TUSC3: variants seen among roughly 807,000 people sequenced by gnomAD.
TUSC3 encodes dolichyl-diphosphooligosaccharide--protein glycosyltransferase subunit TUSC3.
TUSC3 carries 45 observed loss-of-function variants against 44.8 expected under a neutral mutation model. That is an observed-to-expected ratio of 1.00 (90% CI 0.79 to 1.29). The LOEUF is 1.29. Ranked by LOEUF, TUSC3 falls within the 50% of genes most tolerant of loss-of-function variation. TUSC3 has a pLI of 0.00. For synonymous variants in TUSC3, 212 were observed against 152.9 expected, an observed-to-expected ratio of 1.39 and a Z score of -2.85; for missense variants, 519 against 437.9, an observed-to-expected ratio of 1.19 and a Z score of -1.65.
intron 1 of TUSC3, among the ~76,000 whole-genome samples, chr8:15,573,757 C>T (rs1161245771): frequency 6.6e-6 from 1 of 152,088 alleles, no homozygotes; most frequent in Non-Finnish European, 1.5e-5. Flanking sequence ...CTCAGGGAAG[C>T]CCTGCTTCTG....
At chr8:15,445,962 C>G (rs1800091157) in intron 1 of TUSC3, among the ~76,000 whole-genome samples, 1 of 150,944 alleles carries the variant, frequency 6.6e-6, no homozygotes, top group African/African-American at 2.4e-5. Context: ...TGCCCCCCAC[C>G]TCGCGGATGG....
intron 1 of TUSC3, among the ~76,000 whole-genome samples, chr8:15,573,168 T>TTTCTCTCTC (rs1802945786): frequency 7.0e-5 from 6 of 85,556 alleles, no homozygotes; most frequent in African/African-American, 2.5e-4. Flanking sequence ...TTCTCTCTCT[T>TTTCTCTCTC]TCTCTCTCTC....
At chr8:15,806,720 A>G in the TUSC3 span, 2 of 823,740 alleles carry the variant, frequency 2.4e-6, no homozygotes, top group Admixed American at 2.0e-5. Flanking sequence ...GGCTTTGGAT[A>G]CAGCCAGAGA....
At chr8:15,654,029 C>A (rs78753667) in intron 3 of TUSC3, among the ~76,000 whole-genome samples, 1 of 152,060 alleles carries the variant, frequency 6.6e-6, no homozygotes, top group South Asian at 2.1e-4. Context: ...AGAAGGAGCT[C>A]TCATCCAGGA....
chr8:15,660,582 G>T (rs116591876), intron 4 of TUSC3, among the ~76,000 whole-genome samples: 2 of 151,848 alleles, frequency 1.3e-5, no homozygotes, highest in African/African-American at 4.8e-5. Flanking sequence ...TAATACAGAA[G>T]CATTAATTTT....
At chr8:15,499,776 C>T (rs1278069114) in intron 2 of TUSC3, among the ~76,000 whole-genome samples, 3 of 152,180 alleles carry the variant, frequency 2.0e-5, no homozygotes, top group African/African-American at 7.2e-5. Context: ...CTTCTCCCTA[C>T]ACCATTAATG....
chr8:15,780,096 G>A, the TUSC3 span, among the ~76,000 whole-genome samples: 6 of 152,144 alleles, frequency 3.9e-5, no homozygotes, highest in Admixed American at 3.9e-4. Context: ...CAGCAACATG[G>A]TAAAATAGGA....
chr8:15,732,169 G>A lies in TUSC3; in HGVS notation c.862+1440G>A, dbSNP rs1015012764. ...GGCCACAGATAATAAGCATAAATAC[G>A]TATATATGGGTTGATTCCTTAGTGA... is the stretch of plus-strand genomic sequence containing the variant. On this transcript the variant is annotated intron_variant, in intron 7 of 10. Transcript: ENST00000503731. 5.9e-5 allele frequency among the ~76,000 whole-genome samples: 9 copies of A among 152,182 alleles called. No individual in the cohort carries two copies. In the South Asian group the frequency reaches 6.2e-4, roughly 11 times the overall value.
At chr8:15,848,200 C>A in the TUSC3 span, among the ~76,000 whole-genome samples, 14 of 152,286 alleles carry the variant, frequency 9.2e-5, no homozygotes, top group Middle Eastern at 3.4e-3. Context: ...CCTCAGCTGT[C>A]ATGGATCAAC....
At chr8:15,653,872 A>G (rs977815359) in intron 3 of TUSC3, among the ~76,000 whole-genome samples, 1 of 152,200 alleles carries the variant, frequency 6.6e-6, no homozygotes, top group Non-Finnish European at 1.5e-5. Flanking sequence ...TCTGAAGATA[A>G]TATTAATAAC....
chr8:15,764,444 G>T lies in TUSC3; in HGVS notation c.*288G>T, dbSNP rs781373100. 1 of 481,998 alleles carries T rather than the reference G, an allele frequency of 2.1e-6. No homozygotes were observed. The highest frequency in any genetic ancestry group is 3.9e-6 in the Non-Finnish European group (1 of 258,488). 29.9% of individuals were successfully genotyped at this position (481,998 alleles called of 1,614,324 possible). A position where few individuals can be genotyped will look rare whatever the true frequency, so the allele number is the denominator to read the frequency against. On this transcript the variant is annotated 3_prime_UTR_variant, in exon 11 of 11. Coordinates refer to ENST00000503731, the MANE Select transcript of TUSC3 (RefSeq NM_006765.4). ...GTGTTTTTCAAGCCTGTTATATTCA[G>T]TGTGTGCCACAGGATTGAAATAAAT...
At chr8:15,804,769 A>C in the TUSC3 span, among the ~76,000 whole-genome samples, 1 of 151,950 alleles carries the variant, frequency 6.6e-6, no homozygotes, top group Non-Finnish European at 1.5e-5. Flanking sequence ...GCCTCCTCCA[A>C]CTTTGCTCTT....
At chr8:15,816,244 A>T in the TUSC3 span, among the ~76,000 whole-genome samples, 1 of 152,116 alleles carries the variant, frequency 6.6e-6, no homozygotes, top group Non-Finnish European at 1.5e-5. Flanking sequence ...TAATGAAGAG[A>T]ACTGGAGATG....
chr8:15,538,448 T>C (rs1420461601), upstream of TUSC3, among the ~76,000 whole-genome samples: 1 of 151,912 alleles, frequency 6.6e-6, no homozygotes, highest in African/African-American at 2.4e-5. Context: ...TGATATATAT[T>C]TGTAAACTCC....
chr8:15,728,793 G>A (rs1162350538), intron 6 of TUSC3, among the ~76,000 whole-genome samples: 3 of 152,122 alleles, frequency 2.0e-5, no homozygotes, highest in African/African-American at 4.8e-5. Flanking sequence ...GTTGAGCTCT[G>A]AGATACTCCA....
chr8:15,573,333 G>T (rs1215770373), intron 1 of TUSC3, among the ~76,000 whole-genome samples: 2 of 150,764 alleles, frequency 1.3e-5, no homozygotes, highest in African/African-American at 4.9e-5. Context: ...TCCACATCCA[G>T]GGTAATTACC....
chr8:15,566,902 G>A (rs955176216), intron 1 of TUSC3, among the ~76,000 whole-genome samples: 1 of 152,004 alleles, frequency 6.6e-6, no homozygotes, highest in Non-Finnish European at 1.5e-5. Flanking sequence ...CAAACCATTG[G>A]GATTGTAGGT....
chr8:15,520,424 G>A (rs570549301), intron 2 of TUSC3, among the ~76,000 whole-genome samples: 4 of 152,064 alleles, frequency 2.6e-5, no homozygotes, highest in South Asian at 2.1e-4. Context: ...AATTTATTAC[G>A]CAAACAGCTT....
the TUSC3 span, among the ~76,000 whole-genome samples, chr8:15,781,614 A>C: frequency 2.0e-5 from 3 of 152,218 alleles, no homozygotes; most frequent in East Asian, 5.8e-4. Context: ...AAATGGAATC[A>C]GAATAGACCA....
Sources: gnomAD v4.1 joint callset for allele counts (sites outside exome capture counted in the v4.1 genomes callset) on GRCh38, gnomAD v4.1.1 for gene constraint, MANE v1.5 for transcripts, NCBI Gene and HGNC (gene_info 2026-07-23, HGNC 2026-07-21) for gene names.